PTN: variants seen among roughly 807,000 people sequenced by gnomAD.
PTN encodes pleiotrophin.
PTN carries 18 observed loss-of-function variants against 24.1 expected under a neutral mutation model. That is an observed-to-expected ratio of 0.75 (90% CI 0.52 to 1.11). The LOEUF (loss-of-function observed/expected upper bound fraction) is 1.11. Ranked by LOEUF, PTN falls within the 50% of genes least tolerant of loss-of-function variation. PTN has a pLI of 0.00. For synonymous variants in PTN, 78 were observed against 68.6 expected, an observed-to-expected ratio of 1.14 and a Z score of -0.67; for missense variants, 163 against 198.8, an observed-to-expected ratio of 0.82 and a Z score of 1.08.
intron 4 of PTN, among the ~76,000 whole-genome samples, chr7:137,233,941 T>C (rs148401676): frequency 1.4e-4 from 21 of 149,836 alleles, no homozygotes; most frequent in Non-Finnish European, 2.1e-4. Flanking sequence ...TACATATATA[T>C]GTATATGTAC....
At chr7:137,291,154 C>G (rs902349450) in intron 1 of PTN, among the ~76,000 whole-genome samples, 4 of 152,054 alleles carry the variant, frequency 2.6e-5, no homozygotes, top group African/African-American at 7.2e-5. Flanking sequence ...ACTACAAAGC[C>G]ATTTGTTTAA....
At chr7:137,282,172 A>G (rs1466202605) in intron 1 of PTN, among the ~76,000 whole-genome samples, 4 of 152,220 alleles carry the variant, frequency 2.6e-5, no homozygotes, top group Non-Finnish European at 4.4e-5. Context: ...GAAAGTCTGT[A>G]TTTAATTTTC....
intron 1 of PTN, among the ~76,000 whole-genome samples, chr7:137,309,960 T>C (rs1809952529): frequency 6.6e-6 from 1 of 152,146 alleles, no homozygotes; most frequent in Non-Finnish European, 1.5e-5. Flanking sequence ...TTCCAGAAGG[T>C]TTTAAATTTG....
chr7:137,240,016 G>A (rs1808600183), intron 4 of PTN, among the ~76,000 whole-genome samples: 1 of 152,088 alleles, frequency 6.6e-6, no homozygotes, highest in Admixed American at 6.6e-5. Flanking sequence ...TAGAACACCA[G>A]TATGGCTAGC....
chr7:137,329,862 C>A (rs1370237526), intron 1 of PTN, among the ~76,000 whole-genome samples: 1 of 152,130 alleles, frequency 6.6e-6, no homozygotes, highest in African/African-American at 2.4e-5. Context: ...ATCGTAGGAA[C>A]AATGAGGTTC....
At chr7:137,314,347 A>G (rs1322275078) in intron 1 of PTN, among the ~76,000 whole-genome samples, 1 of 152,184 alleles carries the variant, frequency 6.6e-6, no homozygotes, top group Non-Finnish European at 1.5e-5. Context: ...ACTACAGCAT[A>G]TGGCAAAGAC....
At chr7:137,244,825 A>G (rs1461026572) in intron 4 of PTN, among the ~76,000 whole-genome samples, 3 of 152,160 alleles carry the variant, frequency 2.0e-5, no homozygotes, top group Admixed American at 6.5e-5. Flanking sequence ...CTATACCTCA[A>G]GAAGTAATGC....
chr7:137,336,959 A>C (rs6971858), intron 1 of PTN, among the ~76,000 whole-genome samples: 2,513 of 152,340 alleles, frequency 0.016, 79 homozygotes, highest in African/African-American at 0.057. Context: ...GCTCACGGTC[A>C]CAGAGCTACT....
At chr7:137,293,610 T>G (rs1809674613) in intron 1 of PTN, among the ~76,000 whole-genome samples, 1 of 152,114 alleles carries the variant, frequency 6.6e-6, no homozygotes, top group African/African-American at 2.4e-5. Context: ...TGACTTTACT[T>G]TTTTTAAAAA....
chr7:137,303,282 T>C (rs1809834874), intron 1 of PTN, among the ~76,000 whole-genome samples: 1 of 151,968 alleles, frequency 6.6e-6, no homozygotes, highest in Admixed American at 6.6e-5. Flanking sequence ...CTATACAATT[T>C]GGAAAGAACT....
At chr7:137,250,748 A>G (rs1808809866) in intron 4 of PTN, among the ~76,000 whole-genome samples, 1 of 152,222 alleles carries the variant, frequency 6.6e-6, no homozygotes, top group East Asian at 1.9e-4. Flanking sequence ...AAAAATATAA[A>G]GGCTCTGAAA....
At chr7:137,268,525 G>A (rs1022686986) in intron 1 of PTN, among the ~76,000 whole-genome samples, 5 of 152,282 alleles carry the variant, frequency 3.3e-5, no homozygotes, top group South Asian at 2.1e-4. Context: ...GGTCGTGATC[G>A]ACTGAGCAAG....
rs554454176 is a variant in PTN, at chr7:137,251,438, G to A, written c.290-47C>T. 3.0e-5 allele frequency: 48 copies of A among 1,579,934 alleles called. No homozygotes were observed. The Middle Eastern group carries it at 6.8e-4, about 23-fold the overall frequency. On this transcript the variant is annotated intron_variant, in intron 3 of 4. Coordinates refer to ENST00000348225, the MANE Select transcript of PTN (RefSeq NM_002825.7). Reference sequence around the variant, plus strand: ...ACAGAAATCCTTGAAAGATCCTATCGTACTTCCAGGATAATAAAGGCACAC... The same window carrying A: ...ACAGAAATCCTTGAAAGATCCTATCATACTTCCAGGATAATAAAGGCACAC...
chr7:137,272,769 A>T (rs1455425453), intron 1 of PTN, among the ~76,000 whole-genome samples: 2 of 152,254 alleles, frequency 1.3e-5, no homozygotes, highest in Non-Finnish European at 2.9e-5. Flanking sequence ...ATTGTAATAC[A>T]TAAAGGAAGT....
At chr7:137,250,741 A>T (rs948774065) in intron 4 of PTN, among the ~76,000 whole-genome samples, 1 of 152,244 alleles carries the variant, frequency 6.6e-6, no homozygotes, top group Non-Finnish European at 1.5e-5. Context: ...GAACTCAAAA[A>T]ATATAAAGGC....
intron 4 of PTN, among the ~76,000 whole-genome samples, chr7:137,240,660 TG>T (rs1206386384): frequency 2.6e-5 from 4 of 152,180 alleles, no homozygotes; most frequent in African/African-American, 9.7e-5. Flanking sequence ...TTGGTATGGC[TG>T]GGGCAAAGTT....
chr7:137,299,464 C>T (rs1289079903), intron 1 of PTN, among the ~76,000 whole-genome samples: 1 of 151,890 alleles, frequency 6.6e-6, no homozygotes, highest in Non-Finnish European at 1.5e-5. Context: ...AGAGCTAGGG[C>T]TTAAAGTAGG....
chr7:137,251,139 C>G, intron 4 of PTN, 91 bp downstream of exon 4: 1 of 1,412,934 alleles, frequency 7.1e-7, no homozygotes, highest in Non-Finnish European at 9.9e-7. Flanking sequence ...AGGTAATTCA[C>G]CTAATATTTC....
At chr7:137,316,658 CT>C (rs1291373892) in intron 1 of PTN, among the ~76,000 whole-genome samples, 3 of 152,178 alleles carry the variant, frequency 2.0e-5, no homozygotes, top group Non-Finnish European at 4.4e-5. Flanking sequence ...GATTACTTTC[CT>C]TTCTGCAGAA....
Sources: gnomAD v4.1 joint callset for allele counts (sites outside exome capture counted in the v4.1 genomes callset) on GRCh38, gnomAD v4.1.1 for gene constraint, MANE v1.5 for transcripts, NCBI Gene and HGNC (gene_info 2026-07-23, HGNC 2026-07-21) for gene names.